CNTNAP2: variants seen among roughly 807,000 people sequenced by gnomAD.
CNTNAP2 encodes the protein contactin-associated protein-like 2.
CNTNAP2 carries 98 observed loss-of-function variants against 155.2 expected under a neutral mutation model. That is an observed-to-expected ratio of 0.63 (90% CI 0.54 to 0.75). CNTNAP2 has a LOEUF of 0.75. Ranked by LOEUF, CNTNAP2 falls within the 30% of genes least tolerant of loss-of-function variation. CNTNAP2 has a pLI of 0.00. For synonymous variants in CNTNAP2, 651 were observed against 631.2 expected, an observed-to-expected ratio of 1.03 and a Z score of -0.47; for missense variants, 1,727 against 1,688.1, an observed-to-expected ratio of 1.02 and a Z score of -0.40.
intron 1 of CNTNAP2, among the ~76,000 whole-genome samples, chr7:146,475,511 T>C (rs1472386508): frequency 6.6e-6 from 1 of 152,126 alleles, no homozygotes; most frequent in Non-Finnish European, 1.5e-5. Context: ...TAACTATTAG[T>C]TTTCGGGAGG....
At chr7:148,286,495 A>T (rs370848032) in intron 21 of CNTNAP2, among the ~76,000 whole-genome samples, 27 of 152,298 alleles carry the variant, frequency 1.8e-4, no homozygotes, top group African/African-American at 5.8e-4. Context: ...ATTAATATAA[A>T]TCATAAATTA....
intron 1 of CNTNAP2, among the ~76,000 whole-genome samples, chr7:146,254,056 T>C (rs1312822278): frequency 3.3e-5 from 5 of 151,398 alleles, no homozygotes; most frequent in South Asian, 4.2e-4. Context: ...AACAAGACAC[T>C]GACTCATAAC....
rs758630057 is a variant in CNTNAP2, at chr7:148,147,587, G to A, written c.2651G>A (p.Arg884Gln). The change falls in exon 17 of 24, where the codon CGG becomes CAG. Residue 884 changes from arginine to glutamine, a missense_variant. By Grantham distance (43) the Arg-to-Gln change is conservative. Coordinates refer to ENST00000361727, the MANE Select transcript of CNTNAP2 (RefSeq NM_014141.6). ...CCTCTCAACGATGACCAGTGGCACC[G>A]GGTCACTGCAGAGAGGAATGTCAAG... ...PTPLNDDQWH[R>Q]VTAERNVKQA... is the part of the protein sequence containing the mutation. The A allele has an allele frequency of 2.5e-4, 396 of 1,613,934 alleles. 2 individuals are homozygous for A. Among genetic ancestry groups the A allele is most frequent in the Non-Finnish European group, 1.1e-4 (125 of 1,180,034 alleles).
At chr7:146,173,949 G>A (rs1200627672) in intron 1 of CNTNAP2, among the ~76,000 whole-genome samples, 1 of 152,144 alleles carries the variant, frequency 6.6e-6, no homozygotes, top group Non-Finnish European at 1.5e-5. Flanking sequence ...GCTCAAGCCT[G>A]AAATCTCAAT....
intron 3 of CNTNAP2, among the ~76,000 whole-genome samples, chr7:147,043,022 T>A (rs1799288562): frequency 6.6e-6 from 1 of 152,142 alleles, no homozygotes; most frequent in Non-Finnish European, 1.5e-5. Flanking sequence ...TTTATTTGAA[T>A]TATATCTTCT....
intron 8 of CNTNAP2, among the ~76,000 whole-genome samples, chr7:147,223,072 G>T (rs771374496): frequency 2.8e-4 from 42 of 152,242 alleles, no homozygotes; most frequent in Non-Finnish European, 4.1e-4. Flanking sequence ...TGAAAACCTG[G>T]TTGAGTCCCT....
At chr7:146,123,785 C>CT (rs1243838231) in intron 1 of CNTNAP2, among the ~76,000 whole-genome samples, 1 of 152,014 alleles carries the variant, frequency 6.6e-6, no homozygotes, top group African/African-American at 2.4e-5. Flanking sequence ...AATAATAACT[C>CT]TAAGAAAATT....
intron 1 of CNTNAP2, among the ~76,000 whole-genome samples, chr7:146,557,815 A>G (rs1446800325): frequency 1.3e-5 from 2 of 152,196 alleles, no homozygotes; most frequent in Non-Finnish European, 2.9e-5. Context: ...GTTGTTTACA[A>G]TTGATACATT....
At chr7:147,128,906 G>C in intron 7 of CNTNAP2, 70 bp downstream of exon 7, 7 of 1,576,448 alleles carry the variant, frequency 4.4e-6, no homozygotes, top group Middle Eastern at 1.7e-4. Context: ...TTGGATTATT[G>C]AACAACAACA....
At chr7:148,247,698 G>C (rs1796297278) in intron 20 of CNTNAP2, among the ~76,000 whole-genome samples, 1 of 148,612 alleles carries the variant, frequency 6.7e-6, no homozygotes, top group Admixed American at 6.8e-5. Context: ...CTGTCGCCCA[G>C]GCTGGAGTGT....
intron 16 of CNTNAP2, 112 bp downstream of exon 16, chr7:148,118,400 T>A: frequency 8.2e-7 from 1 of 1,214,098 alleles, no homozygotes; most frequent in Non-Finnish European, 1.2e-6. Flanking sequence ...TTTCCTTTGT[T>A]CCAGGAGCAG....
chr7:146,533,438 A>G (rs1425817052), intron 1 of CNTNAP2, among the ~76,000 whole-genome samples: 1 of 152,220 alleles, frequency 6.6e-6, no homozygotes, highest in Non-Finnish European at 1.5e-5. Context: ...TATGAGATGT[A>G]AAGAAACTTT....
At chr7:147,803,285 G>C (rs758975535) in intron 13 of CNTNAP2, among the ~76,000 whole-genome samples, 1 of 152,136 alleles carries the variant, frequency 6.6e-6, no homozygotes, top group Non-Finnish European at 1.5e-5. Flanking sequence ...GTGTTTTTCA[G>C]CCTAGAGCCT....
intron 8 of CNTNAP2, among the ~76,000 whole-genome samples, chr7:147,156,505 T>G (rs955576324): frequency 6.6e-6 from 1 of 152,194 alleles, no homozygotes; most frequent in Admixed American, 6.5e-5. Context: ...TCTTAGGAAT[T>G]CTCACCTGAC....
chr7:147,118,063 T>C (rs532828559), intron 5 of CNTNAP2, among the ~76,000 whole-genome samples: 1 of 152,012 alleles, frequency 6.6e-6, no homozygotes, highest in African/African-American at 2.4e-5. Context: ...GGAGAAAATA[T>C]AGGCAAATGA....
chr7:146,672,437 A>G (rs969360204), intron 1 of CNTNAP2, among the ~76,000 whole-genome samples: 1 of 152,192 alleles, frequency 6.6e-6, no homozygotes, highest in South Asian at 2.1e-4. Context: ...GCTCATGCCT[A>G]TAGAAGTCAT....
intron 15 of CNTNAP2, among the ~76,000 whole-genome samples, chr7:148,074,823 GAC>G (rs1405822527): frequency 6.6e-6 from 1 of 152,190 alleles, no homozygotes; most frequent in East Asian, 1.9e-4. Context: ...ACAGGCCAAT[GAC>G]ACACAGTAGA....
At chr7:146,626,574 G>T (rs962917785) in intron 1 of CNTNAP2, among the ~76,000 whole-genome samples, 6 of 152,050 alleles carry the variant, frequency 3.9e-5, no homozygotes, top group African/African-American at 9.7e-5. Context: ...GCATATGATT[G>T]TGTGCCTGTA....
Position 146,983,422 on chromosome 7 carries a change from C to CA in CNTNAP2, c.403-60477dup, listed in dbSNP as rs201659218. Among the ~76,000 whole-genome samples, 447 of 151,460 alleles carry CA rather than the reference C, an allele frequency of 3.0e-3. 4 individuals carry two copies. Among genetic ancestry groups the CA allele is most frequent in the African/African-American group, 8.8e-3 (363 of 41,276 alleles). ...GGTACACAATTTTAGAAAACATAGA[C>CA]AAAAAAAACAGAACAAAACCAAACA... On this transcript the variant is annotated intron_variant, in intron 3 of 23. Transcript: ENST00000361727.
Sources: gnomAD v4.1 joint callset for allele counts (sites outside exome capture counted in the v4.1 genomes callset) on GRCh38, gnomAD v4.1.1 for gene constraint, MANE v1.5 for transcripts, NCBI Gene and HGNC (gene_info 2026-07-23, HGNC 2026-07-21) for gene names.